The following CACNA1E variants were observed in gnomAD, a reference collection of about 807,000 sequenced individuals.
CACNA1E encodes the protein voltage-dependent R-type calcium channel subunit alpha-1E.
In CACNA1E, 40 loss-of-function variants were observed where a neutral mutation model predicts 259.2. The ratio of observed to expected loss-of-function variants is 0.15; its 90% confidence interval spans 0.12 to 0.20. The LOEUF is 0.20. Ranked by LOEUF, CACNA1E falls within the 10% of genes least tolerant of loss-of-function variation. The pLI, the probability that CACNA1E is intolerant of heterozygous loss-of-function variation, is 1.00. For synonymous variants in CACNA1E, 1,104 were observed against 1,138.5 expected, an observed-to-expected ratio of 0.97 and a Z score of 0.61; for missense variants, 1,874 against 3,040.1, an observed-to-expected ratio of 0.62 and a Z score of 9.02.
intron 39 of CACNA1E, among the ~76,000 whole-genome samples, chr1:181,782,809 A>C (rs1373730974): frequency 6.6e-6 from 1 of 152,186 alleles, no homozygotes; most frequent in Non-Finnish European, 1.5e-5. Flanking sequence ...CCACATCCAA[A>C]AGTACCAGGT....
At chr1:181,575,034 A>G (rs1650825768) in intron 3 of CACNA1E, among the ~76,000 whole-genome samples, 1 of 152,004 alleles carries the variant, frequency 6.6e-6, no homozygotes, top group African/African-American at 2.4e-5. Context: ...CAAAAAAAAA[A>G]AAAGAATCCC....
intron 6 of CACNA1E, among the ~76,000 whole-genome samples, chr1:181,585,723 C>T (rs1651994308): frequency 6.6e-6 from 1 of 152,110 alleles, no homozygotes; most frequent in East Asian, 1.9e-4. Context: ...TCTCCTGAGT[C>T]CCAGATAGCT....
Position 181,798,270 on chromosome 1 carries a change from C to G in CACNA1E, c.6400-22C>G, listed in dbSNP as rs373653538. On this transcript the variant is annotated intron_variant, in intron 47 of 47. Coordinates refer to ENST00000367573, the MANE Select transcript of CACNA1E (RefSeq NM_001205293.3). The surrounding 1 kb of genome is among the most constrained non-coding windows in gnomAD (Gnocchi z 4.2). Reference sequence around the variant, plus strand: ...ATCATGCCAAGCCCAATCTAACATGCCATGTCTCTCCTGCTATACAGGGCA... The same window carrying G: ...ATCATGCCAAGCCCAATCTAACATGGCATGTCTCTCCTGCTATACAGGGCA... 7.7e-6 allele frequency: 12 copies of G among 1,554,656 alleles called. No individual in the cohort carries two copies. The highest frequency in any genetic ancestry group is 9.6e-6 in the Non-Finnish European group (11 of 1,148,900).
chr1:181,444,085 C>T (rs1250026829), intron 2 of CACNA1E, among the ~76,000 whole-genome samples: 1 of 152,216 alleles, frequency 6.6e-6, no homozygotes, highest in Non-Finnish European at 1.5e-5. Context: ...ATTGGTTCAT[C>T]TATTTTTTCT....
intron 6 of CACNA1E, among the ~76,000 whole-genome samples, chr1:181,581,105 C>T (rs12060784): frequency 6.6e-6 from 1 of 151,956 alleles, no homozygotes; most frequent in Admixed American, 6.6e-5. Flanking sequence ...GTGAAGGGTA[C>T]TAATGTATGA....
At chr1:181,692,436 T>C (rs1410604800) in intron 7 of CACNA1E, among the ~76,000 whole-genome samples, 1 of 152,140 alleles carries the variant, frequency 6.6e-6, no homozygotes, top group Non-Finnish European at 1.5e-5. Context: ...AACAGCATGG[T>C]CTTGGTACAG....
At chr1:181,546,347 G>A (rs1647472020) in intron 3 of CACNA1E, among the ~76,000 whole-genome samples, 1 of 152,132 alleles carries the variant, frequency 6.6e-6, no homozygotes, top group Non-Finnish European at 1.5e-5. Context: ...GCCTTATGGA[G>A]TGATGAGAAG....
At chr1:181,502,378 G>C (rs1665324971) in intron 1 of CACNA1E, among the ~76,000 whole-genome samples, 2 of 149,712 alleles carry the variant, frequency 1.3e-5, no homozygotes, top group East Asian at 3.8e-4. Flanking sequence ...GAATAGTTCT[G>C]TCTGTTTATT....
At chr1:181,563,900 T>A (rs1649562375) in intron 3 of CACNA1E, among the ~76,000 whole-genome samples, 1 of 152,216 alleles carries the variant, frequency 6.6e-6, no homozygotes, top group Non-Finnish European at 1.5e-5. Flanking sequence ...ATGTTTACAC[T>A]ATAGTGTAAC....
chr1:181,674,394 C>CAAAAA (rs10711497), intron 7 of CACNA1E, among the ~76,000 whole-genome samples: 4 of 43,586 alleles, frequency 9.2e-5, no homozygotes, highest in Non-Finnish European at 1.7e-4. Flanking sequence ...GACTCCATCT[C>CAAAAA]AAAAAAAAAA....
At chr1:181,367,989 G>T (rs565942677) in intron 1 of CACNA1E, among the ~76,000 whole-genome samples, 29 of 152,300 alleles carry the variant, frequency 1.9e-4, no homozygotes, top group African/African-American at 7.0e-4. Context: ...CCAGCACTTT[G>T]GGAGGCCAAG....
At chr1:181,490,543 G>GCTT (rs1553260168) in intron 1 of CACNA1E, among the ~76,000 whole-genome samples, 1 of 125,316 alleles carries the variant, frequency 8.0e-6, no homozygotes, top group South Asian at 2.6e-4. Flanking sequence ...TGCCAAGCAT[G>GCTT]TTTTTTTTTT....
chr1:181,773,486 A>G (rs1311558287), intron 37 of CACNA1E, among the ~76,000 whole-genome samples: 1 of 152,272 alleles, frequency 6.6e-6, no homozygotes, highest in Non-Finnish European at 1.5e-5. Flanking sequence ...AGTAAAAAGA[A>G]AAGAATATAC....
chr1:181,634,772 C>T (rs1038190002), intron 6 of CACNA1E, among the ~76,000 whole-genome samples: 2 of 152,148 alleles, frequency 1.3e-5, no homozygotes, highest in African/African-American at 4.8e-5. Flanking sequence ...GAGCCTCCAA[C>T]CTTGAATTTT....
intron 1 of CACNA1E, among the ~76,000 whole-genome samples, chr1:181,328,911 A>T (rs1423179771): frequency 6.6e-6 from 1 of 152,144 alleles, no homozygotes; most frequent in African/African-American, 2.4e-5. Context: ...TCATTACTCA[A>T]AGAATTTATC....
At chr1:181,427,240 C>T (rs1458768756) in intron 2 of CACNA1E, among the ~76,000 whole-genome samples, 1 of 151,348 alleles carries the variant, frequency 6.6e-6, no homozygotes, top group Non-Finnish European at 1.5e-5. Flanking sequence ...CTCACCACAC[C>T]CATCTCAACC....
At chr1:181,550,719 T>C (rs2102835756) in intron 3 of CACNA1E, among the ~76,000 whole-genome samples, 1 of 149,254 alleles carries the variant, frequency 6.7e-6, no homozygotes, top group Non-Finnish European at 1.5e-5. Context: ...AATAAATGCT[T>C]TTTTTTTTTG....
At chr1:181,730,755 C>A (rs887486692) in intron 18 of CACNA1E, among the ~76,000 whole-genome samples, 2 of 152,186 alleles carry the variant, frequency 1.3e-5, no homozygotes, top group African/African-American at 4.8e-5. Flanking sequence ...GGGAGCCACA[C>A]CCAATGAATG....
At chr1:181,569,697 C>T (rs1025389892) in intron 3 of CACNA1E, among the ~76,000 whole-genome samples, 6 of 152,284 alleles carry the variant, frequency 3.9e-5, no homozygotes, top group South Asian at 2.1e-4. Context: ...TCCGTGGATG[C>T]GTCTGTGGAT....
Sources: allele counts gnomAD v4.1 joint callset (sites outside exome capture counted in the v4.1 genomes callset), GRCh38; gene constraint gnomAD v4.1.1; non-coding constraint Gnocchi (gnomAD v3.1); transcripts MANE v1.5; gene names NCBI Gene and HGNC (gene_info 2026-07-23, HGNC 2026-07-21).